DNAJC6: variants seen among roughly 807,000 people sequenced by gnomAD.
DNAJC6 encodes the protein DnaJ heat shock protein family (Hsp40) member C6, also known as auxilin.
In DNAJC6, 34 loss-of-function variants were observed where a neutral mutation model predicts 110.0. The ratio of observed to expected loss-of-function variants is 0.31; its 90% CI spans 0.24 to 0.41. The LOEUF (loss-of-function observed/expected upper bound fraction) is 0.41, where lower values mean the gene tolerates loss of function less well. Among genes scored for constraint, DNAJC6 ranks in the 10% least tolerant of loss-of-function variants. DNAJC6 has a pLI of 1.00. For missense variants in DNAJC6, 1,031 were observed against 1,207.8 expected (o/e 0.85, Z 2.17); for synonymous variants, 406 against 437.2 (o/e 0.93, Z 0.89).
chr1:65,285,605 A>G (rs913272291), intron 1 of DNAJC6, among the ~76,000 whole-genome samples: 1 of 151,918 alleles, frequency 6.6e-6, no homozygotes, highest in Non-Finnish European at 1.5e-5. Flanking sequence ...TCCCTTCTCT[A>G]GTCTCCCATA....
At chr1:65,292,329 T>G (rs1156596459) in intron 1 of DNAJC6, among the ~76,000 whole-genome samples, 3 of 151,174 alleles carry the variant, frequency 2.0e-5, no homozygotes, top group Non-Finnish European at 4.4e-5. Flanking sequence ...GGTTTTTTTT[T>G]TTTGTTTTTT....
chr1:65,329,412 C>T (rs1439856950), intron 1 of DNAJC6, among the ~76,000 whole-genome samples: 4 of 152,096 alleles, frequency 2.6e-5, no homozygotes, highest in South Asian at 2.1e-4. Context: ...ATGGCTACAG[C>T]TGACCCAGAG....
At chr1:65,330,328 C>T (rs1483188936) in intron 1 of DNAJC6, among the ~76,000 whole-genome samples, 1 of 152,176 alleles carries the variant, frequency 6.6e-6, no homozygotes, top group African/African-American at 2.4e-5. Flanking sequence ...GAACATGTTG[C>T]AATCCTCTAC....
chr1:65,393,448 G>C (rs919972337), intron 12 of DNAJC6, among the ~76,000 whole-genome samples: 1 of 152,160 alleles, frequency 6.6e-6, no homozygotes, highest in African/African-American at 2.4e-5. Flanking sequence ...ATAGTTTTCT[G>C]AATATATGTG....
chr1:65,309,614 T>C lies in DNAJC6; in HGVS notation c.-132T>C. On this transcript the variant is annotated 5_prime_UTR_variant, in exon 1 of 19. Coordinates refer to ENST00000371069, the MANE Select transcript of DNAJC6 (RefSeq NM_001256864.2). The stretch of plus-strand genomic sequence containing the variant: ...CTTCTCTCCGGTGGCCGCTCCTTCT[T>C]TTCCCTCCTCTTTGCGTCATGTCGG... The C allele has an allele frequency of 7.3e-7, 1 of 1,362,928 alleles. No individual in the cohort carries two copies. Among genetic ancestry groups the C allele is most frequent in the East Asian group, 3.2e-5 (1 of 31,476 alleles). 84.4% of individuals were successfully genotyped at this position (1,362,928 alleles called of 1,614,324 possible).
intron 11 of DNAJC6, among the ~76,000 whole-genome samples, chr1:65,391,869 C>T (rs1247617582): frequency 1.3e-5 from 2 of 152,184 alleles, no homozygotes; most frequent in Admixed American, 6.5e-5. Flanking sequence ...CCTCTACCTC[C>T]CGGGTTCAAG....
intron 1 of DNAJC6, among the ~76,000 whole-genome samples, chr1:65,319,066 C>G (rs964364766): frequency 2.0e-5 from 3 of 152,112 alleles, no homozygotes; most frequent in Non-Finnish European, 1.5e-5. Flanking sequence ...AAAAGTCAGC[C>G]TGGGGAAGCA....
chr1:65,374,096 C>A (rs185475666), intron 4 of DNAJC6, among the ~76,000 whole-genome samples: 1 of 152,252 alleles, frequency 6.6e-6, no homozygotes, highest in East Asian at 1.9e-4. Context: ...GTGGTAAATG[C>A]GTGGACTTAT....
chr1:65,379,473 G>A lies in DNAJC6; in HGVS notation c.615G>A (p.Met205Ile), dbSNP rs746415427. The A allele has an allele frequency of 1.9e-6, 3 of 1,614,144 alleles. No individual in the cohort carries two copies. The highest frequency in any genetic ancestry group is 1.6e-4 in the Middle Eastern group (1 of 6,062). Reference sequence around the variant, plus strand: ...ACCTTTTTGCTGTGTGTCGGAATATGTATAACTGGCTACTGCAGAATCCCA... The same window carrying A: ...ACCTTTTTGCTGTGTGTCGGAATATATATAACTGGCTACTGCAGAATCCCA... ...LHNLFAVCRN[M>I]YNWLLQNPKN... The change falls in exon 5 of 19, where the codon ATG becomes ATA. Residue 205 changes from methionine to isoleucine, a missense_variant. By Grantham distance (10) the Met-to-Ile change is conservative. Coordinates refer to ENST00000371069, the MANE Select transcript of DNAJC6 (RefSeq NM_001256864.2).
chr1:65,283,888 C>T (rs1189523377), intron 1 of DNAJC6, among the ~76,000 whole-genome samples: 1 of 152,112 alleles, frequency 6.6e-6, no homozygotes, highest in Non-Finnish European at 1.5e-5. Context: ...TGCCCCTTCT[C>T]CTACCAAACA....
intron 1 of DNAJC6, among the ~76,000 whole-genome samples, chr1:65,355,792 GGATACACCAATAGGA>G (rs1023330558): frequency 2.6e-5 from 4 of 151,736 alleles, no homozygotes; most frequent in East Asian, 3.9e-4. Context: ...GCCATAGCTT[GGATACACCAATAGGA>G]GATTCTTACC....
intron 1 of DNAJC6, among the ~76,000 whole-genome samples, chr1:65,283,080 T>G (rs1653903814): frequency 6.6e-6 from 1 of 152,218 alleles, no homozygotes; most frequent in South Asian, 2.1e-4. Context: ...TCACATCTTA[T>G]ACCACCATAG....
rs748410720 is a variant in DNAJC6, at chr1:65,309,594, C to T, written c.-152C>T. ...CTTCGCCTCGCCCGGCGAAGCTTCT[C>T]TCCGGTGGCCGCTCCTTCTTTTCCC... On this transcript the variant is annotated 5_prime_UTR_variant, in exon 1 of 19. Transcript: ENST00000371069. 40 of 1,272,574 alleles carry T rather than the reference C, an allele frequency of 3.1e-5. No individual in the cohort carries two copies. The highest frequency in any genetic ancestry group is 3.9e-5 in the Non-Finnish European group (39 of 1,009,748). 78.8% of individuals were successfully genotyped at this position (1,272,574 alleles called of 1,614,324 possible).
chr1:65,280,653 A>G (rs554737004), intron 1 of DNAJC6, among the ~76,000 whole-genome samples: 1 of 152,308 alleles, frequency 6.6e-6, no homozygotes, highest in African/African-American at 2.4e-5. Context: ...TAAAGTAATG[A>G]GGCAACTAGG....
rs557411737 is a variant in DNAJC6, at chr1:65,413,602, G to C, written c.*577G>C. The C allele has an allele frequency of 1.3e-5, 2 of 152,326 alleles. No individual in the cohort carries two copies. The highest frequency in any genetic ancestry group is 1.5e-5 in the Non-Finnish European group (1 of 68,096). The allele number at this position is 152,326 out of a possible 1,614,324, so 9.4% of individuals were successfully genotyped here. A position where few individuals can be genotyped will look rare whatever the true frequency, so the allele number is the denominator to read the frequency against. On this transcript the variant is annotated 3_prime_UTR_variant, in exon 19 of 19. Transcript: ENST00000371069. Reference sequence around the variant, plus strand: ...AATATAAAGGAACTTGAAATGTGGGGAGTGATAATAGTCCAGTGATTAAAC... The same window carrying C: ...AATATAAAGGAACTTGAAATGTGGGCAGTGATAATAGTCCAGTGATTAAAC...
At chr1:65,362,604 T>C (rs1645608513) in intron 1 of DNAJC6, among the ~76,000 whole-genome samples, 2 of 152,212 alleles carry the variant, frequency 1.3e-5, no homozygotes, top group South Asian at 4.1e-4. Flanking sequence ...TCTTTCCCTA[T>C]GGAGTAGGCA....
At chr1:65,360,887 C>T (rs563895010) in intron 1 of DNAJC6, among the ~76,000 whole-genome samples, 1 of 152,086 alleles carries the variant, frequency 6.6e-6, no homozygotes, top group Non-Finnish European at 1.5e-5. Flanking sequence ...GGGATATCTG[C>T]CGCTGAGAGC....
intron 1 of DNAJC6, among the ~76,000 whole-genome samples, chr1:65,334,023 T>C (rs959600093): frequency 6.6e-6 from 1 of 152,272 alleles, no homozygotes; most frequent in Non-Finnish European, 1.5e-5. Flanking sequence ...CATTTTGACT[T>C]AGATCACATA....
At chr1:65,410,164 A>T (rs1161036308) in intron 17 of DNAJC6, among the ~76,000 whole-genome samples, 1 of 152,196 alleles carries the variant, frequency 6.6e-6, no homozygotes, top group Non-Finnish European at 1.5e-5. Flanking sequence ...GGAGGATGTA[A>T]TCTGTCTCTG....
Sources: allele counts gnomAD v4.1 joint callset (sites outside exome capture counted in the v4.1 genomes callset), GRCh38; gene constraint gnomAD v4.1.1; transcripts MANE v1.5; gene names NCBI Gene and HGNC (gene_info 2026-07-23, HGNC 2026-07-21).